Variants in PTPRK observed in about 807,000 individuals in gnomAD.
PTPRK encodes the protein protein tyrosine phosphatase receptor type K.
Under a neutral mutation model 178.0 loss-of-function variants are expected in PTPRK, and 75 were observed. The ratio of observed to expected loss-of-function variants is 0.42; its 90% CI spans 0.35 to 0.51. The LOEUF (loss-of-function observed/expected upper bound fraction) is 0.51, where lower values mean the gene tolerates loss of function less well. Ranked by LOEUF, PTPRK falls within the 20% of genes least tolerant of loss-of-function variation. The pLI is 0.02. For missense variants in PTPRK, 1,441 were observed against 1,797.8 expected (o/e 0.80, Z 3.59); for synonymous variants, 637 against 620.6 (o/e 1.03, Z -0.39).
chr6:128,084,139 T>C lies in PTPRK; in HGVS notation c.1466-315A>G, dbSNP rs190209854. 3.2e-3 allele frequency among the ~76,000 whole-genome samples: 489 copies of C among 152,282 alleles called. 1 individual carries two copies. Among genetic ancestry groups the C allele is most frequent in the African/African-American group, 0.011 (462 of 41,576 alleles). ...AGTTTCCTCTGTTGTATACCTCTAA[T>C]AACGTGAGGATCTTATTTGTAATTT... On this transcript the variant is annotated intron_variant, in intron 8 of 29. Coordinates refer to ENST00000368226, the MANE Select transcript of PTPRK (RefSeq NM_002844.4).
intron 13 of PTPRK, among the ~76,000 whole-genome samples, chr6:128,044,169 C>T (rs1777658380): frequency 6.6e-6 from 1 of 151,952 alleles, no homozygotes; most frequent in Non-Finnish European, 1.5e-5. Flanking sequence ...ATTTTTTGCA[C>T]AATGTCACAA....
intron 1 of PTPRK, among the ~76,000 whole-genome samples, chr6:128,503,279 T>C (rs1268165387): frequency 6.6e-6 from 1 of 152,110 alleles, no homozygotes; most frequent in Non-Finnish European, 1.5e-5. Flanking sequence ...TTATTAAACA[T>C]TTACCACCAT....
chr6:128,152,846 C>A (rs190899735), intron 7 of PTPRK, among the ~76,000 whole-genome samples: 4 of 152,034 alleles, frequency 2.6e-5, no homozygotes, highest in Admixed American at 2.6e-4. Flanking sequence ...ATGTGACTCA[C>A]AAAGGGGGAG....
chr6:128,099,196 A>AT (rs1237972329), intron 7 of PTPRK, among the ~76,000 whole-genome samples: 97 of 149,558 alleles, frequency 6.5e-4, no homozygotes, highest in African/African-American at 2.2e-3. Context: ...ATATATATAT[A>AT]TTTTTTCTTT....
At chr6:128,095,422 G>A (rs1035879007) in intron 7 of PTPRK, among the ~76,000 whole-genome samples, 1 of 152,038 alleles carries the variant, frequency 6.6e-6, no homozygotes, top group Non-Finnish European at 1.5e-5. Flanking sequence ...TTTTGTTGTT[G>A]TTCTGTTGTT....
intron 5 of PTPRK, among the ~76,000 whole-genome samples, chr6:128,224,984 A>G (rs1222015992): frequency 2.6e-5 from 4 of 152,210 alleles, no homozygotes; most frequent in Non-Finnish European, 5.9e-5. Context: ...TAAATGAAAT[A>G]ATACATTTGG....
chr6:128,048,623 C>A (rs549572928), intron 13 of PTPRK, among the ~76,000 whole-genome samples: 1 of 152,188 alleles, frequency 6.6e-6, no homozygotes, highest in African/African-American at 2.4e-5. Flanking sequence ...TCACCATTTG[C>A]CATGCCACAT....
chr6:128,005,295 G>C, intron 14 of PTPRK, 51 bp from the exon 15 acceptor site: 1 of 1,585,284 alleles, frequency 6.3e-7, no homozygotes, highest in Non-Finnish European at 8.6e-7. Context: ...GCTTGCAGGA[G>C]AGTTAACACC....
chr6:128,445,200 T>TTATATATATATATATA (rs779511665), intron 1 of PTPRK, among the ~76,000 whole-genome samples: 1 of 132,430 alleles, frequency 7.6e-6, no homozygotes, highest in African/African-American at 3.1e-5. Flanking sequence ...ACTATTTTAT[T>TTATATATATATATATA]TATATATATA....
At chr6:128,143,210 A>G (rs767328739) in intron 7 of PTPRK, among the ~76,000 whole-genome samples, 1 of 152,028 alleles carries the variant, frequency 6.6e-6, no homozygotes, top group Admixed American at 6.6e-5. Context: ...CACTAATATA[A>G]TAACTCAGCA....
At chr6:128,385,934 T>C (rs1433600698) in intron 2 of PTPRK, among the ~76,000 whole-genome samples, 2 of 152,086 alleles carry the variant, frequency 1.3e-5, no homozygotes, top group African/African-American at 2.4e-5. Flanking sequence ...ATCCCCAAAT[T>C]CAAGAGATAA....
intron 6 of PTPRK, among the ~76,000 whole-genome samples, chr6:128,214,490 T>C (rs1808852390): frequency 6.6e-6 from 1 of 152,150 alleles, no homozygotes; most frequent in Non-Finnish European, 1.5e-5. Context: ...TGGAGTCCTG[T>C]GTACAAAAGC....
At chr6:128,240,835 C>T (rs1010087451) in intron 4 of PTPRK, among the ~76,000 whole-genome samples, 17 of 152,098 alleles carry the variant, frequency 1.1e-4, no homozygotes, top group African/African-American at 4.1e-4. Context: ...TTATGACTGA[C>T]AAGTATCCTC....
intron 7 of PTPRK, among the ~76,000 whole-genome samples, chr6:128,166,248 A>T (rs562209103): frequency 7.3e-5 from 11 of 151,084 alleles, no homozygotes; most frequent in Middle Eastern, 3.4e-3. Context: ...CCAACAGAAA[A>T]TTTTTTTTTC....
chr6:128,366,741 T>A (rs914837346), intron 2 of PTPRK, among the ~76,000 whole-genome samples: 81 of 152,282 alleles, frequency 5.3e-4, no homozygotes, highest in African/African-American at 1.9e-3. Flanking sequence ...ATGTCAAGTG[T>A]GCATTGAACA....
At chr6:128,375,138 G>A (rs1285776246) in intron 2 of PTPRK, among the ~76,000 whole-genome samples, 1 of 147,114 alleles carries the variant, frequency 6.8e-6, no homozygotes. Flanking sequence ...GCTTCTCTGG[G>A]GCAAAGAATT....
intron 3 of PTPRK, among the ~76,000 whole-genome samples, chr6:128,277,916 G>A: frequency 6.6e-6 from 1 of 151,912 alleles, no homozygotes; most frequent in East Asian, 1.9e-4. Context: ...GGCATGATAT[G>A]AGAACATGAG....
At chr6:128,432,195 C>T (rs2128394528) in intron 1 of PTPRK, among the ~76,000 whole-genome samples, 1 of 152,272 alleles carries the variant, frequency 6.6e-6, no homozygotes, top group African/African-American at 2.4e-5. Flanking sequence ...AACACTGCAC[C>T]TCATTTACAA....
At chr6:128,386,129 G>A (rs1480607848) in intron 2 of PTPRK, among the ~76,000 whole-genome samples, 3 of 151,978 alleles carry the variant, frequency 2.0e-5, no homozygotes, top group Admixed American at 6.6e-5. Context: ...TAATTGATAT[G>A]TGCTTCTGAC....
Sources: allele counts gnomAD v4.1 joint callset (sites outside exome capture counted in the v4.1 genomes callset), GRCh38; gene constraint gnomAD v4.1.1; transcripts MANE v1.5; gene names NCBI Gene and HGNC (gene_info 2026-07-23, HGNC 2026-07-21).